Variants in RNF13 observed in about 807,000 individuals in gnomAD.
The protein encoded by RNF13 is E3 ubiquitin-protein ligase RNF13.
In RNF13, 19 loss-of-function variants were observed where a neutral mutation model predicts 37.7. The ratio of observed to expected loss-of-function variants is 0.50; its 90% confidence interval spans 0.35 to 0.74. RNF13 has a LOEUF of 0.74. Among genes scored for constraint, RNF13 ranks in the 30% least tolerant of loss-of-function variants. RNF13 has a pLI of 0.01. For missense variants in RNF13, 375 were observed against 453.0 expected (o/e 0.83, Z 1.56); for synonymous variants, 144 against 157.8 (o/e 0.91, Z 0.65).
intron 3 of RNF13, among the ~76,000 whole-genome samples, chr3:149,860,602 C>G (rs1724155311): frequency 6.6e-6 from 1 of 151,910 alleles, no homozygotes; most frequent in South Asian, 2.1e-4. Context: ...CATCTCTGAC[C>G]ATATACAAAA....
At chr3:149,860,620 C>G (rs1274923543) in intron 3 of RNF13, among the ~76,000 whole-genome samples, 1 of 151,940 alleles carries the variant, frequency 6.6e-6, no homozygotes, top group East Asian at 1.9e-4. Flanking sequence ...AAAATCAACT[C>G]AAGATGGATT....
intron 8 of RNF13, among the ~76,000 whole-genome samples, chr3:149,952,630 G>A (rs769955630): frequency 4.4e-4 from 66 of 150,872 alleles, no homozygotes; most frequent in Non-Finnish European, 2.8e-4. Context: ...ATGGAGTTTC[G>A]CTCTTGTCGC....
chr3:149,855,087 GC>G (rs1174683054), intron 3 of RNF13, among the ~76,000 whole-genome samples: 1 of 152,152 alleles, frequency 6.6e-6, no homozygotes, highest in Non-Finnish European at 1.5e-5. Flanking sequence ...ACTTTGGGAG[GC>G]CAAGGTGGGT....
At chr3:149,878,829 A>G (rs1200037257) in intron 4 of RNF13, among the ~76,000 whole-genome samples, 2 of 152,026 alleles carry the variant, frequency 1.3e-5, no homozygotes, top group Non-Finnish European at 2.9e-5. Context: ...GGGTGGGGAG[A>G]AAGGGTATTT....
chr3:149,890,625 C>A (rs181726430), intron 4 of RNF13, among the ~76,000 whole-genome samples: 95 of 152,308 alleles, frequency 6.2e-4, no homozygotes, highest in Admixed American at 1.5e-3. Context: ...GAGCCCAGGT[C>A]GTCTAGTTCC....
chr3:149,825,560 G>C (rs760658470), intron 1 of RNF13, among the ~76,000 whole-genome samples: 1 of 152,186 alleles, frequency 6.6e-6, no homozygotes, highest in Non-Finnish European at 1.5e-5. Context: ...CAGCACCCCA[G>C]TGGGCTGTTT....
Position 149,961,361 on chromosome 3 carries a change from T to TTAA in RNF13, c.*257_*258insTAA. 1 of 525,228 alleles carries TTAA rather than the reference T, an allele frequency of 1.9e-6. No homozygotes were observed. Among genetic ancestry groups the TTAA allele is most frequent in the Admixed American group, 2.5e-5 (1 of 39,674 alleles). The allele number at this position is 525,228 out of a possible 1,614,324, so 32.5% of individuals were successfully genotyped here. A position where few individuals can be genotyped will look rare whatever the true frequency, so the allele number is the denominator to read the frequency against. On this transcript the variant is annotated 3_prime_UTR_variant, in exon 10 of 10. Coordinates refer to ENST00000392894, the MANE Select transcript of RNF13 (RefSeq NM_183381.3). ...TTGGAATGAAAGTATAGCCAAAACATAAAAAAAAAAAAATCCTCAGTATAG... is the reference window on the plus strand; with the variant it reads ...TTGGAATGAAAGTATAGCCAAAACATTAAAAAAAAAAAAAAATCCTCAGTATAG...
chr3:149,836,978 A>G (rs527468727), intron 1 of RNF13, among the ~76,000 whole-genome samples: 7 of 152,232 alleles, frequency 4.6e-5, no homozygotes, highest in African/African-American at 1.2e-4. Context: ...GTGCTTGCCA[A>G]TGGCCAGGGG....
intron 1 of RNF13, among the ~76,000 whole-genome samples, chr3:149,835,669 G>GTGTT (rs1721543969): frequency 8.3e-6 from 1 of 120,228 alleles, no homozygotes; most frequent in South Asian, 2.7e-4. Context: ...GTGTGTGTTT[G>GTGTT]TGTGTGTGTG....
intron 8 of RNF13, among the ~76,000 whole-genome samples, chr3:149,946,775 T>A (rs1720809810): frequency 6.6e-6 from 1 of 152,194 alleles, no homozygotes; most frequent in Non-Finnish European, 1.5e-5. Flanking sequence ...TTTTGTTGTA[T>A]TTTTTCTATC....
intron 2 of RNF13, among the ~76,000 whole-genome samples, chr3:149,846,841 A>G (rs1722688657): frequency 1.3e-5 from 2 of 152,228 alleles, no homozygotes; most frequent in East Asian, 3.8e-4. Flanking sequence ...AAATTCTATA[A>G]GATGTTCATA....
At chr3:149,940,818 A>T (rs1244255469) in intron 8 of RNF13, among the ~76,000 whole-genome samples, 1 of 151,982 alleles carries the variant, frequency 6.6e-6, no homozygotes, top group Non-Finnish European at 1.5e-5. Flanking sequence ...TAACACTAAG[A>T]CTCTGTACCC....
At chr3:149,901,793 C>A (rs562547764) in intron 5 of RNF13, among the ~76,000 whole-genome samples, 1 of 152,158 alleles carries the variant, frequency 6.6e-6, no homozygotes, top group Admixed American at 6.5e-5. Flanking sequence ...AGGAAGAAAT[C>A]AAATGGAAAT....
chr3:149,941,342 A>G (rs1720242297), intron 8 of RNF13, among the ~76,000 whole-genome samples: 3 of 152,066 alleles, frequency 2.0e-5, no homozygotes, highest in Admixed American at 2.0e-4. Context: ...GGCTCTCCAC[A>G]TGCTCAACTT....
At chr3:149,908,318 T>C (rs1027490941) in intron 6 of RNF13, among the ~76,000 whole-genome samples, 4 of 152,142 alleles carry the variant, frequency 2.6e-5, no homozygotes, top group African/African-American at 9.7e-5. Flanking sequence ...TTAATCTTCA[T>C]GGACATATTT....
chr3:149,820,226 T>TG (rs1010029404), intron 1 of RNF13, among the ~76,000 whole-genome samples: 1 of 152,052 alleles, frequency 6.6e-6, no homozygotes, highest in African/African-American at 2.4e-5. Flanking sequence ...CTTTTTTTTT[T>TG]GTTTTTTTAA....
Position 149,918,930 on chromosome 3 carries a change from A to G in RNF13, c.607-2204A>G, listed in dbSNP as rs564426762. On this transcript the variant is annotated intron_variant, in intron 7 of 9. Transcript: ENST00000392894. ...ATGATCGGAATTTTTTTCTTATACA[A>G]TGTGATACACTCCTTTTGAAAACGG... is the stretch of plus-strand genomic sequence containing the variant. Among the ~76,000 whole-genome samples, 6 of 152,254 alleles carry G rather than the reference A, an allele frequency of 3.9e-5. No homozygotes were observed. The South Asian group carries it at 8.3e-4, about 21-fold the overall frequency.
At chr3:149,903,308 T>C (rs916790756) in intron 6 of RNF13, among the ~76,000 whole-genome samples, 1 of 152,150 alleles carries the variant, frequency 6.6e-6, no homozygotes, top group Non-Finnish European at 1.5e-5. Flanking sequence ...CTCCCTCGTT[T>C]AGAATACTTC....
Position 149,921,198 on chromosome 3 carries a change from A to G in RNF13, c.671A>G (p.Lys224Arg). 2 of 1,426,750 alleles carry G rather than the reference A, an allele frequency of 1.4e-6. No homozygotes were observed. The highest frequency in any genetic ancestry group is 1.9e-6 in the Non-Finnish European group (2 of 1,072,408). 88.4% of individuals were successfully genotyped at this position (1,426,750 alleles called of 1,614,324 possible). The stretch of plus-strand genomic sequence containing the variant: ...AACAGACTTCGTAAAGATCAACTTA[A>G]GAAACTTCCTGTACATAAATTCAAG... ...RRNRLRKDQL[K>R]KLPVHKFKKG... Residue 224 changes from lysine to arginine, a missense_variant, in exon 8 of 10, where the codon AAG (lysine) becomes AGG (arginine). Coordinates refer to ENST00000392894, the MANE Select transcript of RNF13 (RefSeq NM_183381.3).
Sources: allele counts gnomAD v4.1 joint callset (sites outside exome capture counted in the v4.1 genomes callset), GRCh38; gene constraint gnomAD v4.1.1; transcripts MANE v1.5; gene names NCBI Gene and HGNC (gene_info 2026-07-23, HGNC 2026-07-21).